Variants in ATP4A observed in about 807,000 individuals in gnomAD.
ATP4A encodes the protein potassium-transporting ATPase alpha chain 1.
ATP4A carries 73 observed loss-of-function variants against 112.1 expected under a neutral mutation model. The ratio of observed to expected loss-of-function variants is 0.65; its 90% CI spans 0.54 to 0.79. The LOEUF (loss-of-function observed/expected upper bound fraction) is 0.79. Among genes scored for constraint, ATP4A ranks in the 30% least tolerant of loss-of-function variants. The pLI is 0.00. For missense variants in ATP4A, 1,081 were observed against 1,425.9 expected, an observed-to-expected ratio of 0.76 and a Z score of 3.90; for synonymous variants, 588 against 588.9, an observed-to-expected ratio of 1.00 and a Z score of 0.02.
Position 35,560,411 on chromosome 19 carries a change from G to T in ATP4A, c.739C>A (p.Pro247Thr). Reference sequence around the variant, plus strand: ...AAGGCGATGTTGCGGGTCTCCAGAGGGCTCTCGTGCGTGCACTCGGGTGAG... The same window carrying T: ...AAGGCGATGTTGCGGGTCTCCAGAGTGCTCTCGTGCGTGCACTCGGGTGAG... ...TRSPECTHES[P>T]LETRNIAFFS... Residue 247 changes from proline to threonine, a missense_variant, in exon 6 of 22, where the codon CCT becomes ACT. Transcript: ENST00000262623. The surrounding 1 kb of genome is among the most constrained non-coding windows in gnomAD (Gnocchi z 5.1). 1 of 1,614,010 alleles carries T rather than the reference G, an allele frequency of 6.2e-7. No individual in the cohort carries two copies. The highest frequency in any genetic ancestry group is 8.5e-7 in the Non-Finnish European group (1 of 1,180,016).
chr19:35,558,564 C>A lies in ATP4A; in HGVS notation c.1365+13G>T. The A allele has an allele frequency of 6.3e-7, 1 of 1,597,160 alleles. No individual in the cohort carries two copies. The highest frequency in any genetic ancestry group is 8.5e-7 in the Non-Finnish European group (1 of 1,172,766). ...AGCCTCCCGGGATTCCCTGGAGGCC[C>A]CCTGGCTCTCACCTTGGGCACAGGC... is the stretch of plus-strand genomic sequence containing the variant. On this transcript the variant is annotated intron_variant, in intron 9 of 21. Coordinates refer to ENST00000262623, the MANE Select transcript of ATP4A (RefSeq NM_000704.3). The surrounding 1 kb of genome is among the most constrained non-coding windows in gnomAD (Gnocchi z 5.1).
Position 35,550,448 on chromosome 19 carries a change from G to T in ATP4A, c.*167C>A. The T allele has an allele frequency of 3.6e-6, 3 of 826,510 alleles. No homozygotes were observed. Among genetic ancestry groups the T allele is most frequent in the South Asian group, 3.4e-5 (2 of 58,956 alleles). 51.2% of individuals were successfully genotyped at this position (826,510 alleles called of 1,614,324 possible). Reference sequence around the variant, plus strand: ...CGAACCTTGGGAATGGGGGAGGGGAGTGGGCAGGTCCCTCCAAGTTTGGGG... The same window carrying T: ...CGAACCTTGGGAATGGGGGAGGGGATTGGGCAGGTCCCTCCAAGTTTGGGG... On this transcript the variant is annotated 3_prime_UTR_variant, in exon 22 of 22. Coordinates refer to ENST00000262623, the MANE Select transcript of ATP4A (RefSeq NM_000704.3). This position sits in a 1 kb window ranked among gnomAD's most constrained non-coding sequence, Gnocchi z 4.1.
chr19:35,563,082 C>CCTCCTCCCCTTTCTG, intron 3 of ATP4A, 127 bp downstream of exon 3: 1 of 1,074,300 alleles, frequency 9.3e-7, no homozygotes. Flanking sequence ...CTCCCTCTCT[C>CCTCCTCCCCTTTCTG]TATTTCTCCA....
rs772425636 is a variant in ATP4A at position 35,560,619 on chromosome 19, C to A, written c.535-4G>T. The A allele has an allele frequency of 8.9e-6, 8 of 898,070 alleles. No homozygotes were observed. The South Asian group carries it at 1.3e-4, about 15-fold the overall frequency. 55.6% of individuals were successfully genotyped at this position (898,070 alleles called of 1,614,324 possible). On this transcript the variant is annotated splice_polypyrimidine_tract_variant and splice_region_variant and intron_variant, in intron 5 of 21. Coordinates refer to ENST00000262623, the MANE Select transcript of ATP4A (RefSeq NM_000704.3). The surrounding 1 kb of genome is among the most constrained non-coding windows in gnomAD (Gnocchi z 5.1). ...CATCGCGGATGACAGTGGCTTGCTG[C>A]GGGGCAGGGGCACCAAAGTTGAGGT...
At position 35,562,424 on chromosome 19, in the gene ATP4A, A is replaced by G. The variant is rs373912519; in HGVS notation, c.420+11T>C. ...CCCATGTCCTGAGCCTGTCCCCACA[A>G]CATGGCTCACATTGTCGTCGGTGGT... is the stretch of plus-strand genomic sequence containing the variant. On this transcript the variant is annotated intron_variant, in intron 4 of 21. Coordinates refer to ENST00000262623, the MANE Select transcript of ATP4A (RefSeq NM_000704.3). 4.1e-4 allele frequency: 653 copies of G among 1,611,710 alleles called. 4 individuals carry two copies. The South Asian group carries it at 6.7e-3, about 17-fold the overall frequency.
chr19:35,553,847 G>A lies in ATP4A; in HGVS notation c.2482-18C>T. 6.4e-7 allele frequency: 1 copy of A among 1,556,802 alleles called. No homozygotes were observed. The highest frequency in any genetic ancestry group is 8.7e-7 in the Non-Finnish European group (1 of 1,149,546). On this transcript the variant is annotated intron_variant, in intron 16 of 21. Transcript: ENST00000262623. The stretch of plus-strand genomic sequence containing the variant: ...GATGGGAACTGGCCAGGAGTGGAAG[G>A]AACTGGGACTGAGGGTTTGGCTGGG...
intron 16 of ATP4A, 81 bp downstream of exon 16, chr19:35,554,841 G>A (rs1568313603): frequency 6.4e-7 from 1 of 1,569,830 alleles, no homozygotes; most frequent in Non-Finnish European, 8.7e-7. Flanking sequence ...AGTGTCTGTG[G>A]TGGTCTCTGT....
rs980986691 is a variant in ATP4A, at chr19:35,559,283, C to T, written c.1057-92G>A. The T allele has an allele frequency of 1.9e-5, 26 of 1,382,190 alleles. No homozygotes were observed. The highest frequency in any genetic ancestry group is 2.3e-5 in the Non-Finnish European group (23 of 992,066). 85.6% of individuals were successfully genotyped at this position (1,382,190 alleles called of 1,614,324 possible). A position where few individuals can be genotyped will look rare whatever the true frequency, so the allele number is the denominator to read the frequency against. ...AAGAACGGGGAAGGCTTTACCCCAG[C>T]CGCGGGGCTGCGTGTGCAACGTGCT... On this transcript the variant is annotated intron_variant, in intron 7 of 21. Transcript: ENST00000262623. This position sits in a 1 kb window ranked among gnomAD's most constrained non-coding sequence, Gnocchi z 4.1.
In ATP4A at chr19:35,550,806, C is replaced by G. The variant is rs1301548675; in HGVS notation, c.3079+28G>C. 6.2e-7 allele frequency: 1 copy of G among 1,613,160 alleles called. No individual in the cohort carries two copies. Among genetic ancestry groups the G allele is most frequent in the South Asian group, 1.1e-5 (1 of 91,060 alleles). Reference sequence around the variant, plus strand: ...GCTGCTCAAACGTTTCAGTCCCCTGCCCCCAGGCTCCCAGTCTCCACACTC... The same window carrying G: ...GCTGCTCAAACGTTTCAGTCCCCTGGCCCCAGGCTCCCAGTCTCCACACTC... On this transcript the variant is annotated intron_variant, in intron 21 of 21. Coordinates refer to ENST00000262623, the MANE Select transcript of ATP4A (RefSeq NM_000704.3). This position sits in a 1 kb window ranked among gnomAD's most constrained non-coding sequence, Gnocchi z 4.1.
chr19:35,550,803 C>A lies in ATP4A; in HGVS notation c.3079+31G>T, dbSNP rs769534360. 10 of 1,613,636 alleles carry A rather than the reference C, an allele frequency of 6.2e-6. No homozygotes were observed. The Middle Eastern group carries it at 8.3e-4, about 133-fold the overall frequency. ...GCAGCTGCTCAAACGTTTCAGTCCC[C>A]TGCCCCCAGGCTCCCAGTCTCCACA... On this transcript the variant is annotated intron_variant, in intron 21 of 21. Transcript: ENST00000262623. The surrounding 1 kb of genome is among the most constrained non-coding windows in gnomAD (Gnocchi z 4.1).
chr19:35,553,519 G>A (rs1022883984), intron 17 of ATP4A, among the ~76,000 whole-genome samples, 187 bp downstream of exon 17: 2 of 152,136 alleles, frequency 1.3e-5, no homozygotes, highest in African/African-American at 2.4e-5. Context: ...CAGAGAGAGA[G>A]CAGGGACACA....
chr19:35,553,429 CAGAG>C (rs1568313243), intron 17 of ATP4A, among the ~76,000 whole-genome samples: 3 of 151,944 alleles, frequency 2.0e-5, no homozygotes, highest in African/African-American at 4.8e-5. Flanking sequence ...GAGGCAGGGA[CAGAG>C]AGAAAAAGAC....
Position 35,558,567 on chromosome 19 carries a change from T to G in ATP4A, c.1365+10A>C. 3 of 1,598,718 alleles carry G rather than the reference T, an allele frequency of 1.9e-6. No individual in the cohort carries two copies. Among genetic ancestry groups the G allele is most frequent in the Non-Finnish European group, 2.6e-6 (3 of 1,173,510 alleles). ...CTCCCGGGATTCCCTGGAGGCCCCC[T>G]GGCTCTCACCTTGGGCACAGGCACT... On this transcript the variant is annotated intron_variant, in intron 9 of 21. Transcript: ENST00000262623. The surrounding 1 kb of genome is among the most constrained non-coding windows in gnomAD (Gnocchi z 5.1).
rs1367229009 is a variant in ATP4A at position 35,555,668 on chromosome 19, G to C, written c.2006+8C>G. 9 of 1,596,344 alleles carry C rather than the reference G, an allele frequency of 5.6e-6. No homozygotes were observed. Among genetic ancestry groups the C allele is most frequent in the African/African-American group, 1.3e-5 (1 of 74,620 alleles). ...GGGAGAACCCCGGGGAGGTCTGGGGGGGCTTACTTGCGATTAACCTGGTCT... is the reference window on the plus strand; with the variant it reads ...GGGAGAACCCCGGGGAGGTCTGGGGCGGCTTACTTGCGATTAACCTGGTCT... On this transcript the variant is annotated splice_region_variant and intron_variant, in intron 13 of 21. Transcript: ENST00000262623. The surrounding 1 kb of genome is among the most constrained non-coding windows in gnomAD (Gnocchi z 6.6).
Position 35,563,246 on chromosome 19 carries a change from G to C in ATP4A, c.179C>G (p.Ala60Gly), listed in dbSNP as rs200588214. 2 of 1,613,672 alleles carry C rather than the reference G, an allele frequency of 1.2e-6. No homozygotes were observed. Among genetic ancestry groups the C allele is most frequent in the Admixed American group, 3.3e-5 (2 of 59,994 alleles). ...MEINDHQLSV[A>G]ELEQKYQTSA... ...GGTCTGGTATTTCTGTTCCAGCTCC[G>C]CCACTGACAGCTGGTGGTCGTTCTG... Residue 60 changes from alanine to glycine, a missense_variant, in exon 3 of 22, where the codon GCG becomes GGG. By Grantham distance (60) the Ala-to-Gly change is moderately conservative (BLOSUM62 0). Transcript: ENST00000262623.
At position 35,558,464 on chromosome 19, in the gene ATP4A, C is replaced by T. The variant is rs756725328; in HGVS notation, c.1398G>A (p.Ala466=). ...GCGTCAGCTCCGAGAACTTGAGCAG[C>T]GCCGTCTCCGATGCGTCTCCAATCA... is the stretch of plus-strand genomic sequence containing the variant. The part of the protein sequence containing the change: ...RIVIGDASET[A]LLKFSELTLG... The change falls in exon 10 of 22, where the codon GCG becomes GCA. Residue 466 remains alanine (A), a synonymous_variant. Transcript: ENST00000262623. This position sits in a 1 kb window ranked among gnomAD's most constrained non-coding sequence, Gnocchi z 5.1. The T allele has an allele frequency of 1.2e-6, 2 of 1,600,470 alleles. No individual in the cohort carries two copies. Among genetic ancestry groups the T allele is most frequent in the Admixed American group, 1.8e-5 (1 of 57,012 alleles).
intron 12 of ATP4A, 55 bp downstream of exon 12, chr19:35,556,858 A>G: frequency 1.3e-6 from 2 of 1,577,012 alleles, no homozygotes; most frequent in Non-Finnish European, 1.7e-6. Flanking sequence ...TTCAACCCAA[A>G]TCCTGCTGCC....
In ATP4A at chr19:35,555,943, T is replaced by C; in HGVS notation, c.1870-131A>G. ...GTGACCACCTCCTACGTGCCTGGGA[T>C]ATAGCAGAGACAAAAGAGACAAAAA... On this transcript the variant is annotated intron_variant, in intron 12 of 21. Transcript: ENST00000262623. The surrounding 1 kb of genome is among the most constrained non-coding windows in gnomAD (Gnocchi z 6.6). The C allele has an allele frequency of 7.7e-7, 1 of 1,298,956 alleles. No homozygotes were observed. The highest frequency in any genetic ancestry group is 1.0e-6 in the Non-Finnish European group (1 of 970,452). The allele number at this position is 1,298,956 out of a possible 1,614,324, so 80.5% of individuals were successfully genotyped here. A position where few individuals can be genotyped will look rare whatever the true frequency, so the allele number is the denominator to read the frequency against.
rs1306371604 is a variant in ATP4A at position 35,557,666 on chromosome 19, T to TCGCCCAGGC, written c.1673_1681dup (p.Gly558_Gly560dup). Reference sequence around the variant, plus strand: ...CCCAGGGGTCTCACCGAGCACGCGTTCGCCCAGGCCTCCCAGGCTGAGGTA... The same window carrying TCGCCCAGGC: ...CCCAGGGGTCTCACCGAGCACGCGTTCGCCCAGGCCGCCCAGGCCTCCCAGGCTGAGGTA... On this transcript the variant is annotated inframe_insertion, in exon 11 of 22. Transcript: ENST00000262623. The surrounding 1 kb of genome is among the most constrained non-coding windows in gnomAD (Gnocchi z 4.4). The TCGCCCAGGC allele has an allele frequency of 6.8e-6, 11 of 1,607,306 alleles. No individual in the cohort carries two copies. The highest frequency in any genetic ancestry group is 9.3e-6 in the Non-Finnish European group (11 of 1,177,856).
Sources: allele counts gnomAD v4.1 joint callset (sites outside exome capture counted in the v4.1 genomes callset), GRCh38; gene constraint gnomAD v4.1.1; non-coding constraint Gnocchi (gnomAD v3.1); transcripts MANE v1.5; gene names NCBI Gene and HGNC (gene_info 2026-07-23, HGNC 2026-07-21).